PRDM16: variants seen among roughly 807,000 people sequenced by gnomAD.
PRDM16 encodes PR/SET domain 16.
A neutral mutation model predicts 110.6 loss-of-function variants in PRDM16; 23 were observed. That is an observed-to-expected ratio of 0.21 (90% CI 0.15 to 0.29). The LOEUF (loss-of-function observed/expected upper bound fraction) is 0.29, where lower values mean the gene tolerates loss of function less well. Among genes scored for constraint, PRDM16 ranks in the 10% least tolerant of loss-of-function variants. The pLI is 1.00. For synonymous variants in PRDM16, 799 were observed against 781.8 expected (o/e 1.02, Z -0.37); for missense variants, 1,615 against 1,794.3 (o/e 0.90, Z 1.81).
chr1:3,336,696 C>CTG (rs542601493), intron 3 of PRDM16, among the ~76,000 whole-genome samples: 87 of 135,504 alleles, frequency 6.4e-4, no homozygotes, highest in African/African-American at 2.4e-3. Context: ...TTTTGTGAAT[C>CTG]TGTGAGCACA....
intron 3 of PRDM16, among the ~76,000 whole-genome samples, chr1:3,325,915 TGGCCCTCCTC>T (rs1407576439): frequency 5.8e-5 from 6 of 102,978 alleles, no homozygotes; most frequent in African/African-American, 2.4e-4. Context: ...TGGCCCTCCT[TGGCCCTCCTC>T]GGCCCTCTTG....
At chr1:3,391,723 G>A (rs1019157045) in intron 4 of PRDM16, among the ~76,000 whole-genome samples, 2 of 152,242 alleles carry the variant, frequency 1.3e-5, no homozygotes, top group African/African-American at 4.8e-5. Flanking sequence ...GCTTTTCCTC[G>A]CTCTGCCAGA....
rs537613846 is a variant in PRDM16, at chr1:3,383,467, G to A, written c.439-1685G>A. Reference sequence around the variant, plus strand: ...GAGGCCCTCTGCCTGTCTCTGCTGTGCTCTGGGGGCCAACTTTCCCTGGAA... The same window carrying A: ...GAGGCCCTCTGCCTGTCTCTGCTGTACTCTGGGGGCCAACTTTCCCTGGAA... On this transcript the variant is annotated intron_variant, in intron 3 of 16. Transcript: ENST00000270722. 6.6e-5 allele frequency among the ~76,000 whole-genome samples: 10 copies of A among 152,330 alleles called. No individual in the cohort carries two copies. In the East Asian group the frequency reaches 1.9e-3, roughly 29 times the overall value.
Position 3,434,771 on chromosome 1 carries a change from C to T in PRDM16, c.*960C>T. 4.3e-6 allele frequency: 1 copy of T among 232,514 alleles called. No homozygotes were observed. Among genetic ancestry groups the T allele is most frequent in the East Asian group, 6.1e-5 (1 of 16,502 alleles). The allele number at this position is 232,514 out of a possible 1,614,324, so 14.4% of individuals were successfully genotyped here. A position where few individuals can be genotyped will look rare whatever the true frequency, so the allele number is the denominator to read the frequency against. ...CGCCATGCAGAGATGTGGCCGGGCACCCATCTTCCTTCCCTCCTCTGTCCC... is the reference window on the plus strand; with the variant it reads ...CGCCATGCAGAGATGTGGCCGGGCATCCATCTTCCTTCCCTCCTCTGTCCC... On this transcript the variant is annotated 3_prime_UTR_variant, in exon 17 of 17. Coordinates refer to ENST00000270722, the MANE Select transcript of PRDM16 (RefSeq NM_022114.4).
chr1:3,234,443 G>A (rs941008367), intron 2 of PRDM16, among the ~76,000 whole-genome samples: 11 of 152,212 alleles, frequency 7.2e-5, no homozygotes, highest in South Asian at 4.1e-4. Context: ...CCAAGCAGCC[G>A]CAAGACAGGC....
At chr1:3,273,355 C>T (rs1000861479) in intron 3 of PRDM16, among the ~76,000 whole-genome samples, 1 of 152,212 alleles carries the variant, frequency 6.6e-6, no homozygotes, top group Non-Finnish European at 1.5e-5. Context: ...GACACTTCCA[C>T]ATCTCTTATG....
At chr1:3,367,505 A>G (rs1642837156) in intron 3 of PRDM16, among the ~76,000 whole-genome samples, 1 of 152,192 alleles carries the variant, frequency 6.6e-6, no homozygotes, top group Admixed American at 6.5e-5. Context: ...TCCCAGGCCT[A>G]ACGCACCCAC....
At chr1:3,111,661 G>A (rs1175009907) in intron 1 of PRDM16, among the ~76,000 whole-genome samples, 3 of 152,100 alleles carry the variant, frequency 2.0e-5, no homozygotes, top group African/African-American at 7.2e-5. Flanking sequence ...CCCCTGGGGC[G>A]GGGGCGCAGG....
At chr1:3,178,641 A>G (rs147191878) in intron 1 of PRDM16, among the ~76,000 whole-genome samples, 4 of 152,252 alleles carry the variant, frequency 2.6e-5, no homozygotes, top group Non-Finnish European at 5.9e-5. Context: ...TCCCTCTGTT[A>G]AACCCTGTTT....
chr1:3,283,157 A>G lies in PRDM16; in HGVS notation c.438+39020A>G, dbSNP rs13374668. On this transcript the variant is annotated intron_variant, in intron 3 of 16. Coordinates refer to ENST00000270722, the MANE Select transcript of PRDM16 (RefSeq NM_022114.4). The stretch of plus-strand genomic sequence containing the variant: ...CCCAGTGGCCGGGCTCATGGGTGGG[A>G]ACTGGCCAGCCAGCCCCTCGTCACC... 4.8e-3 allele frequency among the ~76,000 whole-genome samples: 724 copies of G among 152,108 alleles called. 9 individuals carry two copies. The highest frequency in any genetic ancestry group is 0.017 in the African/African-American group (696 of 41,502).
At chr1:3,347,934 G>A (rs1307171919) in intron 3 of PRDM16, among the ~76,000 whole-genome samples, 1 of 152,098 alleles carries the variant, frequency 6.6e-6, no homozygotes, top group African/African-American at 2.4e-5. Context: ...TCTGTGAGCA[G>A]CCCCAGAGCT....
In PRDM16 at chr1:3,243,914, G is replaced by A. The variant is rs553677091; in HGVS notation, c.388-173G>A. On this transcript the variant is annotated intron_variant, in intron 2 of 16. Transcript: ENST00000270722. The surrounding 1 kb of genome is among the most constrained non-coding windows in gnomAD (Gnocchi z 5.5). ...TCGGTGACTGGGGGAGCCTCTGCTG[G>A]AAGAAGGGATACCTGTGATCAATGG... Among the ~76,000 whole-genome samples the A allele has an allele frequency of 5.9e-5, 9 of 152,248 alleles. No individual in the cohort carries two copies. In the East Asian group the frequency reaches 1.3e-3, roughly 23 times the overall value.
At chr1:3,409,737 GGTGT>G (rs199507963) in intron 8 of PRDM16, among the ~76,000 whole-genome samples, 2 of 145,820 alleles carry the variant, frequency 1.4e-5, no homozygotes, top group Non-Finnish European at 3.0e-5. Context: ...GTGTAGTGTG[GGTGT>G]GTGTGTGGTG....
At chr1:3,163,977 C>G (rs1005229680) in intron 1 of PRDM16, among the ~76,000 whole-genome samples, 1 of 152,200 alleles carries the variant, frequency 6.6e-6, no homozygotes, top group Non-Finnish European at 1.5e-5. Context: ...GCCCTGGGGC[C>G]CAGGGGACGC....
intron 3 of PRDM16, among the ~76,000 whole-genome samples, chr1:3,351,134 G>C (rs1642471990): frequency 6.6e-6 from 1 of 152,128 alleles, no homozygotes; most frequent in South Asian, 2.1e-4. Context: ...ACCAGCTTGT[G>C]GGTCTCTGAG....
chr1:3,229,762 G>GT (rs1639365131), intron 2 of PRDM16, among the ~76,000 whole-genome samples: 1 of 152,174 alleles, frequency 6.6e-6, no homozygotes, highest in Non-Finnish European at 1.5e-5. Flanking sequence ...GCGAGCAGGT[G>GT]TGTCTGTTTT....
intron 1 of PRDM16, among the ~76,000 whole-genome samples, chr1:3,181,761 TACAC>T (rs1213531283): frequency 5.8e-5 from 8 of 137,844 alleles, no homozygotes; most frequent in South Asian, 2.4e-4. Context: ...CACACGGTCT[TACAC>T]ACAGTCTTAC....
chr1:3,130,398 G>T (rs1228800889), intron 1 of PRDM16, among the ~76,000 whole-genome samples: 1 of 152,178 alleles, frequency 6.6e-6, no homozygotes, highest in Non-Finnish European at 1.5e-5. Flanking sequence ...GCCCTGGGGA[G>T]GCCAGGATAA....
At chr1:3,189,349 G>A (rs973989945) in intron 2 of PRDM16, among the ~76,000 whole-genome samples, 3 of 151,664 alleles carry the variant, frequency 2.0e-5, no homozygotes, top group Non-Finnish European at 4.4e-5. Flanking sequence ...CATCACACCA[G>A]GGGGATCCCA....
Sources: allele counts gnomAD v4.1 joint callset (sites outside exome capture counted in the v4.1 genomes callset), GRCh38; gene constraint gnomAD v4.1.1; non-coding constraint Gnocchi (gnomAD v3.1); transcripts MANE v1.5; gene names NCBI Gene and HGNC (gene_info 2026-07-23, HGNC 2026-07-21).